The following GLCCI1 variants were observed in gnomAD, a reference collection of about 807,000 sequenced individuals.
The protein encoded by GLCCI1 is glucocorticoid-induced transcript 1 protein.
A neutral mutation model predicts 52.2 loss-of-function variants in GLCCI1; 24 were observed. The ratio of observed to expected loss-of-function variants is 0.46; its 90% CI spans 0.33 to 0.65. GLCCI1 has a LOEUF of 0.65. Among genes scored for constraint, GLCCI1 ranks in the 30% least tolerant of loss-of-function variants. The pLI, the probability that GLCCI1 is intolerant of heterozygous loss-of-function variation, is 0.02. For missense variants in GLCCI1, 704 were observed against 701.5 expected (o/e 1.00, Z -0.04); for synonymous variants, 310 against 276.5 (o/e 1.12, Z -1.20).
intron 1 of GLCCI1, among the ~76,000 whole-genome samples, chr7:7,999,775 C>T (rs561979140): frequency 6.6e-6 from 1 of 152,038 alleles, no homozygotes; most frequent in East Asian, 1.9e-4. Context: ...TGGTGATGCA[C>T]ACCTGTGGTC....
chr7:8,055,432 G>A lies in GLCCI1; in HGVS notation c.697-1G>A. 6.2e-7 allele frequency: 1 copy of A among 1,603,222 alleles called. No homozygotes were observed. The highest frequency in any genetic ancestry group is 1.1e-5 in the South Asian group (1 of 90,744). ...TTACTTCTCTTTCCCTGTCCCCAAA[G>A]CAGATCGCCAAACTGAGGCAGCAAC... On this transcript the variant is annotated splice_acceptor_variant, in intron 3 of 7. Coordinates refer to ENST00000223145, the MANE Select transcript of GLCCI1 (RefSeq NM_138426.4). LOFTEE classifies it high-confidence loss of function.
intron 6 of GLCCI1, among the ~76,000 whole-genome samples, chr7:8,071,796 C>A (rs926172306): frequency 1.3e-5 from 2 of 152,198 alleles, no homozygotes; most frequent in East Asian, 3.9e-4. Flanking sequence ...TGCCCAGCTT[C>A]TTCCTTCCTA....
chr7:8,035,699 G>A (rs1238385989), intron 3 of GLCCI1, among the ~76,000 whole-genome samples: 4 of 152,182 alleles, frequency 2.6e-5, no homozygotes, highest in Non-Finnish European at 4.4e-5. Context: ...CACAGCTCTT[G>A]GCTACACTGC....
chr7:8,035,805 G>T (rs1424310893), intron 3 of GLCCI1, among the ~76,000 whole-genome samples: 1 of 152,162 alleles, frequency 6.6e-6, no homozygotes, highest in Non-Finnish European at 1.5e-5. Context: ...TGCCTGCCTA[G>T]GTATGGAGCT....
intron 2 of GLCCI1, among the ~76,000 whole-genome samples, chr7:8,004,849 G>A (rs1006997879): frequency 2.0e-5 from 3 of 152,210 alleles, no homozygotes; most frequent in African/African-American, 4.8e-5. Flanking sequence ...TTTGGGCTTT[G>A]TAGGTTAGGG....
intron 1 of GLCCI1, among the ~76,000 whole-genome samples, chr7:7,971,646 C>T (rs151119989): frequency 1.8e-3 from 268 of 152,274 alleles, no homozygotes; most frequent in African/African-American, 6.3e-3. Context: ...GATAATAGTA[C>T]AACTTGTTTT....
chr7:7,998,106 C>T (rs1780973460), intron 1 of GLCCI1, among the ~76,000 whole-genome samples: 1 of 151,086 alleles, frequency 6.6e-6, no homozygotes, highest in African/African-American at 2.4e-5. Context: ...TTTACTCTGG[C>T]ACTTTCATTT....
chr7:8,007,293 T>C (rs1781171547), intron 2 of GLCCI1, among the ~76,000 whole-genome samples: 1 of 152,208 alleles, frequency 6.6e-6, no homozygotes, highest in Admixed American at 6.5e-5. Context: ...AGCTGTACAT[T>C]AATATGTACT....
intron 6 of GLCCI1, among the ~76,000 whole-genome samples, chr7:8,081,710 A>G (rs1263640986): frequency 6.6e-6 from 1 of 152,212 alleles, no homozygotes; most frequent in Non-Finnish European, 1.5e-5. Context: ...TAATTTTTCC[A>G]AACTCTAATT....
At chr7:7,993,264 C>T (rs1304303442) in intron 1 of GLCCI1, among the ~76,000 whole-genome samples, 1 of 152,068 alleles carries the variant, frequency 6.6e-6, no homozygotes, top group African/African-American at 2.4e-5. Context: ...TGCTCCCACT[C>T]TTCTTGTTTT....
chr7:8,082,708 G>C (rs1445549255), intron 6 of GLCCI1, among the ~76,000 whole-genome samples: 1 of 152,078 alleles, frequency 6.6e-6, no homozygotes, highest in East Asian at 1.9e-4. Flanking sequence ...ATGTTTAAGA[G>C]GGTAAAACTC....
At chr7:8,023,580 C>CTTTTTTTTTTTTTT (rs1781541872) in intron 3 of GLCCI1, among the ~76,000 whole-genome samples, 1 of 74,890 alleles carries the variant, frequency 1.3e-5, no homozygotes, top group African/African-American at 5.2e-5. Context: ...CATCTAATCT[C>CTTTTTTTTTTTTTT]TGTTATTCTT....
chr7:8,051,601 C>G (rs1584001623), intron 3 of GLCCI1, among the ~76,000 whole-genome samples: 1 of 152,268 alleles, frequency 6.6e-6, no homozygotes, highest in African/African-American at 2.4e-5. Context: ...AAAAGAACAC[C>G]CTTCACCCCC....
intron 3 of GLCCI1, among the ~76,000 whole-genome samples, chr7:8,027,976 G>A (rs994462948): frequency 6.6e-6 from 1 of 152,212 alleles, no homozygotes; most frequent in African/African-American, 2.4e-5. Context: ...TATTATTAGA[G>A]CTAAAGAGGA....
At chr7:8,054,642 T>C (rs1782344816) in intron 3 of GLCCI1, among the ~76,000 whole-genome samples, 1 of 152,102 alleles carries the variant, frequency 6.6e-6, no homozygotes, top group African/African-American at 2.4e-5. Context: ...TGTATCTCTC[T>C]GGGCTCATTG....
intron 3 of GLCCI1, among the ~76,000 whole-genome samples, chr7:8,050,646 T>G (rs1323661838): frequency 2.0e-5 from 3 of 152,224 alleles, no homozygotes; most frequent in Admixed American, 1.3e-4. Context: ...AGGAGTTATC[T>G]CAGTTCAGCC....
chr7:8,027,597 A>G (rs568232334), intron 3 of GLCCI1, among the ~76,000 whole-genome samples: 1 of 152,270 alleles, frequency 6.6e-6, no homozygotes, highest in East Asian at 1.9e-4. Flanking sequence ...ATAAAATGGC[A>G]GGAGTAAGTT....
chr7:7,998,170 TTTTTTG>T (rs1323083468), intron 1 of GLCCI1, among the ~76,000 whole-genome samples: 1 of 66,462 alleles, frequency 1.5e-5, no homozygotes, highest in African/African-American at 9.6e-5. Flanking sequence ...GGAGGTAGTT[TTTTTTG>T]TTTTTTTTTT....
In GLCCI1 at chr7:8,065,675, T is replaced by C. The variant is rs114448548; in HGVS notation, c.967-5246T>C. Among the ~76,000 whole-genome samples, 861 of 152,324 alleles carry C rather than the reference T, an allele frequency of 5.7e-3. 4 individuals carry two copies. Among genetic ancestry groups the C allele is most frequent in the African/African-American group, 0.019 (803 of 41,566 alleles). On this transcript the variant is annotated intron_variant, in intron 5 of 7. Coordinates refer to ENST00000223145, the MANE Select transcript of GLCCI1 (RefSeq NM_138426.4). ...TTAAGATAATTATGTGGTTTCCGTT[T>C]TTAGTTCTATTTGATGAATCACATT... is the stretch of plus-strand genomic sequence containing the variant.
Sources: gnomAD v4.1 joint callset for allele counts (sites outside exome capture counted in the v4.1 genomes callset) on GRCh38, gnomAD v4.1.1 for gene constraint, MANE v1.5 for transcripts, NCBI Gene and HGNC (gene_info 2026-07-23, HGNC 2026-07-21) for gene names.